ZBBX: variants seen among roughly 807,000 people sequenced by gnomAD.
ZBBX encodes zinc finger B-box domain containing.
In ZBBX, 101 loss-of-function variants were observed where a neutral mutation model predicts 108.5. The observed-to-expected ratio is 0.93, with a 90% CI of 0.79 to 1.10. The LOEUF (loss-of-function observed/expected upper bound fraction) is 1.10, where lower values mean the gene tolerates loss of function less well. Ranked by LOEUF, ZBBX falls within the 50% of genes least tolerant of loss-of-function variation. The pLI is 0.00. For synonymous variants in ZBBX, 356 were observed against 323.4 expected, an observed-to-expected ratio of 1.10 and a Z score of -1.08; for missense variants, 1,009 against 941.4, an observed-to-expected ratio of 1.07 and a Z score of -0.94.
At chr3:167,393,006 A>G (rs1467598202) in intron 1 of ZBBX, 4 of 151,888 alleles carry the variant, frequency 2.6e-5, no homozygotes, top group African/African-American at 9.7e-5. Flanking sequence ...TATTGTTTCC[A>G]TCCAATGATG....
the ZBBX span, among the ~76,000 whole-genome samples, chr3:167,206,752 A>G: frequency 6.6e-6 from 1 of 152,154 alleles, no homozygotes; most frequent in Non-Finnish European, 1.5e-5. Flanking sequence ...TCACAATGCT[A>G]TAGTAAAATA....
chr3:167,209,701 C>G, the ZBBX span, among the ~76,000 whole-genome samples: 1 of 152,266 alleles, frequency 6.6e-6, no homozygotes, highest in South Asian at 2.1e-4. Context: ...AGCATCAAGA[C>G]CATCCAGGAA....
the ZBBX span, among the ~76,000 whole-genome samples, chr3:167,180,507 C>T: frequency 1.3e-5 from 2 of 152,176 alleles, no homozygotes; most frequent in African/African-American, 4.8e-5. Context: ...TGTGAAAAAT[C>T]AAATTTTGCA....
At chr3:167,388,300 T>G (rs993410880) in intron 1 of ZBBX, among the ~76,000 whole-genome samples, 1 of 151,824 alleles carries the variant, frequency 6.6e-6, no homozygotes, top group African/African-American at 2.4e-5. Context: ...GATAAGACTA[T>G]ATGGAGGGAT....
chr3:167,185,651 G>A, the ZBBX span, among the ~76,000 whole-genome samples: 1 of 152,044 alleles, frequency 6.6e-6, no homozygotes, highest in African/African-American at 2.4e-5. Flanking sequence ...CATTGAAACT[G>A]CAGTTCTAGC....
downstream of ZBBX, among the ~76,000 whole-genome samples, chr3:167,237,225 A>G (rs1720266870): frequency 6.6e-6 from 1 of 151,886 alleles, no homozygotes; most frequent in South Asian, 2.1e-4. Context: ...TGACATACTC[A>G]GCGTACACTA....
At chr3:167,211,506 C>G in the ZBBX span, among the ~76,000 whole-genome samples, 3 of 152,294 alleles carry the variant, frequency 2.0e-5, no homozygotes, top group Admixed American at 2.0e-4. Context: ...TAGCCCCTCA[C>G]AAGATAAGAC....
chr3:167,318,811 G>T (rs1215182214), intron 12 of ZBBX, among the ~76,000 whole-genome samples: 2 of 151,642 alleles, frequency 1.3e-5, no homozygotes, highest in African/African-American at 2.4e-5. Context: ...GCTATTATGG[G>T]CATCATACTT....
At chr3:167,271,843 A>G (rs771793463) in intron 20 of ZBBX, among the ~76,000 whole-genome samples, 1 of 152,210 alleles carries the variant, frequency 6.6e-6, no homozygotes, top group Non-Finnish European at 1.5e-5. Flanking sequence ...CACCTCACTC[A>G]CTGGATCGAA....
At chr3:167,375,518 G>A (rs1374247126) in intron 2 of ZBBX, among the ~76,000 whole-genome samples, 1 of 152,002 alleles carries the variant, frequency 6.6e-6, no homozygotes, top group Non-Finnish European at 1.5e-5. Context: ...CTTGAACCCG[G>A]GAGGTCGAGA....
chr3:167,270,485 G>T (rs1414274334), intron 20 of ZBBX, among the ~76,000 whole-genome samples: 1 of 152,116 alleles, frequency 6.6e-6, no homozygotes, highest in Non-Finnish European at 1.5e-5. Context: ...TTTTAGCTTC[G>T]CCTTCTCTAG....
chr3:167,198,772 C>T, the ZBBX span, among the ~76,000 whole-genome samples: 1 of 152,142 alleles, frequency 6.6e-6, no homozygotes, highest in African/African-American at 2.4e-5. Flanking sequence ...TTGTTAATAA[C>T]AAACGCACCT....
At chr3:167,325,575 G>A (rs928740386) in intron 11 of ZBBX, among the ~76,000 whole-genome samples, 3 of 151,986 alleles carry the variant, frequency 2.0e-5, no homozygotes, top group African/African-American at 7.2e-5. Flanking sequence ...GTATGGACGT[G>A]GGCATTGCAC....
chr3:167,284,745 T>C (rs1487100209), intron 19 of ZBBX, among the ~76,000 whole-genome samples: 3 of 152,146 alleles, frequency 2.0e-5, no homozygotes, highest in Non-Finnish European at 2.9e-5. Context: ...ACTGGAAATA[T>C]GCTCAAAGTG....
At chr3:167,201,360 GT>G in the ZBBX span, among the ~76,000 whole-genome samples, 1 of 152,002 alleles carries the variant, frequency 6.6e-6, no homozygotes, top group Non-Finnish European at 1.5e-5. Flanking sequence ...TAGCCAAGAA[GT>G]TTTTTTATTA....
chr3:167,286,372 G>A (rs1207507616), intron 19 of ZBBX, among the ~76,000 whole-genome samples: 1 of 152,078 alleles, frequency 6.6e-6, no homozygotes, highest in Non-Finnish European at 1.5e-5. Context: ...GAATGCTTTA[G>A]ACAATAGAAT....
In ZBBX at chr3:167,314,030, T is replaced by C. The variant is rs747757905; in HGVS notation, c.1361A>G (p.Asp454Gly). The change falls in exon 16 of 22, where the codon GAC becomes GGC. Residue 454 changes from aspartate to glycine, a missense_variant. Coordinates refer to ENST00000675490, the MANE Select transcript of ZBBX (RefSeq NM_001199201.2). ...GTTTCTCAGACAAAGATTTAAGAAG[T>C]CTCTCTTTCCCTTATCGAAAACATG... is the stretch of plus-strand genomic sequence containing the variant. ...QHHVFDKGKRDFLNLCLRNSS... is the reference protein window; with the variant it reads ...QHHVFDKGKRGFLNLCLRNSS... 15 of 1,606,642 alleles carry C rather than the reference T, an allele frequency of 9.3e-6. No individual in the cohort carries two copies. The Admixed American group carries it at 1.9e-4, about 20-fold the overall frequency.
intron 8 of ZBBX, among the ~76,000 whole-genome samples, chr3:167,353,138 G>T (rs2108507716): frequency 6.6e-6 from 1 of 152,104 alleles, no homozygotes; most frequent in South Asian, 2.1e-4. Context: ...TCAGGCAAAA[G>T]AAAGAAATAA....
rs568183295 is a variant in ZBBX, at chr3:167,341,499, A to G, written c.529-7514T>C. Among the ~76,000 whole-genome samples, 4 of 152,078 alleles carry G rather than the reference A, an allele frequency of 2.6e-5. No individual in the cohort carries two copies. In the South Asian group the frequency reaches 8.3e-4, roughly 31 times the overall value. ...TTTAAAGCACCTGGTCTCAGGAAAC[A>G]TAACAACATTGGATTTTGGTTAAAT... On this transcript the variant is annotated intron_variant, in intron 9 of 21. Transcript: ENST00000675490.
Sources: gnomAD v4.1 joint callset for allele counts (sites outside exome capture counted in the v4.1 genomes callset) on GRCh38, gnomAD v4.1.1 for gene constraint, MANE v1.5 for transcripts, NCBI Gene and HGNC (gene_info 2026-07-23, HGNC 2026-07-21) for gene names.